The following NRP1 variants were observed in gnomAD, a reference collection of about 807,000 sequenced individuals.
NRP1 encodes neuropilin 1.
In NRP1, 35 loss-of-function variants were observed where a neutral mutation model predicts 106.7. The observed-to-expected ratio is 0.33, with a 90% CI of 0.25 to 0.43. NRP1 has a LOEUF of 0.43. NRP1 is among the 20% of genes least tolerant of loss of function. The pLI, the probability that NRP1 is intolerant of heterozygous loss-of-function variation, is 1.00. For missense variants in NRP1, 1,024 were observed against 1,170.4 expected (o/e 0.87, Z 1.83); for synonymous variants, 437 against 417.9 (o/e 1.05, Z -0.56).
intron 13 of NRP1, among the ~76,000 whole-genome samples, chr10:33,189,800 A>T (rs1396957748): frequency 6.6e-6 from 1 of 152,214 alleles, no homozygotes; most frequent in Non-Finnish European, 1.5e-5. Context: ...AATATTATAA[A>T]AAAAGCACCA....
At chr10:33,186,136 G>T in intron 14 of NRP1, 81 bp downstream of exon 14, 1 of 1,472,768 alleles carries the variant, frequency 6.8e-7, no homozygotes, top group Non-Finnish European at 9.1e-7. Flanking sequence ...TAATTCCCAT[G>T]TCTCATTTGC....
intron 2 of NRP1, among the ~76,000 whole-genome samples, chr10:33,275,733 C>A (rs572143830): frequency 2.7e-5 from 3 of 111,078 alleles, no homozygotes; most frequent in East Asian, 5.9e-4. Context: ...ACCCCCAACA[C>A]CTTCTCTACA....
chr10:33,266,765 C>T (rs1842946002), intron 3 of NRP1, among the ~76,000 whole-genome samples: 1 of 152,152 alleles, frequency 6.6e-6, no homozygotes, highest in Non-Finnish European at 1.5e-5. Context: ...TTAGCACTAT[C>T]CCCTCTTGGC....
In NRP1 at chr10:33,246,589, C is replaced by T. The variant is rs564808950; in HGVS notation, c.981+7439G>A. Among the ~76,000 whole-genome samples, 168 of 151,436 alleles carry T rather than the reference C, an allele frequency of 1.1e-3. 1 individual carries two copies. The South Asian group carries it at 0.018, about 16-fold the overall frequency. Reference sequence around the variant, plus strand: ...ATTAGTATTAGTTGCAATAAACACACACACACACACACACACACACAGAGC... The same window carrying T: ...ATTAGTATTAGTTGCAATAAACACATACACACACACACACACACACAGAGC... On this transcript the variant is annotated intron_variant, in intron 6 of 16. Coordinates refer to ENST00000374867, the MANE Select transcript of NRP1 (RefSeq NM_003873.7).
At chr10:33,185,575 G>A in intron 15 of NRP1, 53 bp downstream of exon 15, 8 of 1,341,516 alleles carry the variant, frequency 6.0e-6, no homozygotes, top group Non-Finnish European at 8.5e-6. Flanking sequence ...ATATTGGCAA[G>A]AGTCTTGCCC....
At chr10:33,290,366 T>C (rs1045678538) in intron 2 of NRP1, among the ~76,000 whole-genome samples, 2 of 147,910 alleles carry the variant, frequency 1.4e-5, no homozygotes, top group Admixed American at 6.7e-5. Flanking sequence ...TTTTTTTTTT[T>C]TAATTCATAG....
intron 6 of NRP1, among the ~76,000 whole-genome samples, chr10:33,226,678 T>A (rs547545078): frequency 3.9e-5 from 6 of 152,158 alleles, no homozygotes; most frequent in Non-Finnish European, 7.4e-5. Flanking sequence ...ATAAGAAACA[T>A]CTACAACATA....
intron 2 of NRP1, among the ~76,000 whole-genome samples, chr10:33,273,937 C>G (rs1843498354): frequency 6.6e-6 from 1 of 152,102 alleles, no homozygotes; most frequent in Non-Finnish European, 1.5e-5. Flanking sequence ...CCCCAGACCT[C>G]ACCCTCCCCA....
chr10:33,217,354 T>A (rs941115368), intron 8 of NRP1, among the ~76,000 whole-genome samples: 11 of 150,838 alleles, frequency 7.3e-5, no homozygotes, highest in African/African-American at 2.7e-4. Context: ...GAGACTGTTA[T>A]TCCTTCCATA....
At chr10:33,255,225 T>A (rs886119490) in intron 5 of NRP1, among the ~76,000 whole-genome samples, 1 of 152,236 alleles carries the variant, frequency 6.6e-6, no homozygotes, top group Non-Finnish European at 1.5e-5. Context: ...AGGTTTGTTA[T>A]TTGTAATATA....
intron 2 of NRP1, among the ~76,000 whole-genome samples, chr10:33,297,812 A>G (rs1845522725): frequency 6.6e-6 from 1 of 151,950 alleles, no homozygotes. Flanking sequence ...GGAGGAGAGG[A>G]AGGAACAGAG....
chr10:33,244,367 C>T (rs933546701), intron 6 of NRP1, among the ~76,000 whole-genome samples: 18 of 152,292 alleles, frequency 1.2e-4, no homozygotes, highest in African/African-American at 3.4e-4. Flanking sequence ...ATTATTACCG[C>T]TGGGACAGAA....
chr10:33,310,096 C>T (rs1846471510), intron 2 of NRP1, among the ~76,000 whole-genome samples: 1 of 151,502 alleles, frequency 6.6e-6, no homozygotes, highest in African/African-American at 2.4e-5. Context: ...TACAGACGCC[C>T]GCCACCACGC....
intron 6 of NRP1, among the ~76,000 whole-genome samples, chr10:33,237,667 C>T (rs949214642): frequency 4.0e-5 from 6 of 149,794 alleles, no homozygotes; most frequent in Non-Finnish European, 5.9e-5. Context: ...CAACCTCCAC[C>T]TCTTGAGTTC....
chr10:33,292,177 T>A (rs186443670), intron 2 of NRP1, among the ~76,000 whole-genome samples: 5 of 152,328 alleles, frequency 3.3e-5, no homozygotes, highest in Admixed American at 6.5e-5. Flanking sequence ...ATTACAGGCA[T>A]GAGTCACGGT....
chr10:33,294,335 T>A (rs1161061594), intron 2 of NRP1, among the ~76,000 whole-genome samples: 1 of 152,188 alleles, frequency 6.6e-6, no homozygotes, highest in Non-Finnish European at 1.5e-5. Context: ...ATCTATGTCC[T>A]GGCCAGGCAC....
At chr10:33,271,423 C>A (rs1173348131) in intron 2 of NRP1, among the ~76,000 whole-genome samples, 2 of 152,174 alleles carry the variant, frequency 1.3e-5, no homozygotes, top group African/African-American at 2.4e-5. Flanking sequence ...GTAGCCACAT[C>A]CAATAGTTAA....
At chr10:33,293,767 C>G (rs1845177540) in intron 2 of NRP1, among the ~76,000 whole-genome samples, 1 of 152,160 alleles carries the variant, frequency 6.6e-6, no homozygotes, top group Non-Finnish European at 1.5e-5. Context: ...GTGCTCAAAA[C>G]CCAATAAAAT....
Position 33,256,479 on chromosome 10 carries a change from G to T in NRP1, c.659-8C>A, listed in dbSNP as rs745778236. ...GCCCAATGTGAGGGCCAACTGGAAA[G>T]GGAGGAATACAGACGATGTCAAAAT... is the stretch of plus-strand genomic sequence containing the variant. On this transcript the variant is annotated splice_region_variant and splice_polypyrimidine_tract_variant and intron_variant, in intron 4 of 16. Coordinates refer to ENST00000374867, the MANE Select transcript of NRP1 (RefSeq NM_003873.7). The T allele has an allele frequency of 6.2e-7, 1 of 1,613,932 alleles. No individual in the cohort carries two copies. The highest frequency in any genetic ancestry group is 2.2e-5 in the East Asian group (1 of 44,870).
Sources: gnomAD v4.1 joint callset for allele counts (sites outside exome capture counted in the v4.1 genomes callset) on GRCh38, gnomAD v4.1.1 for gene constraint, MANE v1.5 for transcripts, NCBI Gene and HGNC (gene_info 2026-07-23, HGNC 2026-07-21) for gene names.